Variants in GPC5 observed in about 807,000 individuals in gnomAD.
The protein encoded by GPC5 is glypican 5.
GPC5 carries 47 observed loss-of-function variants against 53.9 expected under a neutral mutation model. That is an observed-to-expected ratio of 0.87 (90% CI 0.69 to 1.11). The LOEUF (loss-of-function observed/expected upper bound fraction) is 1.11. Ranked by LOEUF, GPC5 falls within the 50% of genes most tolerant of loss-of-function variation. The probability of loss-of-function intolerance (pLI) is 0.00; values close to 1 mark genes in which losing one functional copy is unlikely to be tolerated. For synonymous variants in GPC5, 286 were observed against 263.3 expected (o/e 1.09, Z -0.84); for missense variants, 748 against 713.1 (o/e 1.05, Z -0.56).
chr13:92,278,538 A>G (rs1461917115), intron 7 of GPC5, among the ~76,000 whole-genome samples: 2 of 152,050 alleles, frequency 1.3e-5, no homozygotes, highest in Admixed American at 1.3e-4. Flanking sequence ...TGTACCTTTT[A>G]TGATTATTTT....
intron 6 of GPC5, among the ~76,000 whole-genome samples, chr13:91,944,986 C>G (rs80186210): frequency 6.6e-6 from 1 of 152,112 alleles, no homozygotes; most frequent in Non-Finnish European, 1.5e-5. Flanking sequence ...AAACCCCAAA[C>G]AATAATTTCT....
At chr13:91,730,589 A>G (rs1239426980) in intron 4 of GPC5, among the ~76,000 whole-genome samples, 1 of 152,182 alleles carries the variant, frequency 6.6e-6, no homozygotes, top group Non-Finnish European at 1.5e-5. Flanking sequence ...CAACTAACCA[A>G]ATAACCAGCT....
intron 7 of GPC5, among the ~76,000 whole-genome samples, chr13:92,301,525 C>T (rs547327304): frequency 1.8e-4 from 27 of 152,188 alleles, no homozygotes; most frequent in Non-Finnish European, 3.5e-4. Flanking sequence ...TTAACCTGTC[C>T]GTGATTCCAT....
chr13:92,848,298 T>G (rs2138841244), intron 7 of GPC5, among the ~76,000 whole-genome samples: 1 of 152,320 alleles, frequency 6.6e-6, no homozygotes, highest in East Asian at 1.9e-4. Context: ...AGTAAGAATT[T>G]TCTATGGTTT....
At chr13:91,642,713 C>CT (rs71113755) in intron 2 of GPC5, among the ~76,000 whole-genome samples, 97,098 of 143,268 alleles carry the variant, frequency 0.68, 32,785 homozygotes, top group East Asian at 0.8. Flanking sequence ...TAAGGAAGAG[C>CT]TTTTTTTTTT....
At chr13:91,896,847 A>G (rs2078838326) in intron 5 of GPC5, among the ~76,000 whole-genome samples, 2 of 152,226 alleles carry the variant, frequency 1.3e-5, no homozygotes, top group South Asian at 2.1e-4. Context: ...GAGTTTGCCA[A>G]GACATAGCTG....
At chr13:92,828,765 G>A (rs554428493) in intron 7 of GPC5, among the ~76,000 whole-genome samples, 46 of 152,196 alleles carry the variant, frequency 3.0e-4, no homozygotes, top group Non-Finnish European at 5.7e-4. Context: ...ATTCAAAGAC[G>A]TCCACTAAAA....
intron 6 of GPC5, among the ~76,000 whole-genome samples, chr13:91,936,064 A>C (rs760528029): frequency 3.9e-5 from 6 of 152,078 alleles, no homozygotes; most frequent in Non-Finnish European, 7.4e-5. Flanking sequence ...GTATATCAAC[A>C]GATTTTAATT....
chr13:92,863,343 T>A (rs1425122037), intron 7 of GPC5, among the ~76,000 whole-genome samples: 1 of 152,176 alleles, frequency 6.6e-6, no homozygotes, highest in African/African-American at 2.4e-5. Context: ...CAGTGCCTAT[T>A]TTATGCGACT....
intron 7 of GPC5, among the ~76,000 whole-genome samples, chr13:92,816,999 A>G (rs1460488045): frequency 1.3e-5 from 2 of 151,834 alleles, no homozygotes; most frequent in African/African-American, 4.9e-5. Flanking sequence ...CGGTCTAGAA[A>G]CCTATAACCA....
At chr13:92,783,791 G>C (rs1418906191) in intron 7 of GPC5, among the ~76,000 whole-genome samples, 2 of 152,092 alleles carry the variant, frequency 1.3e-5, no homozygotes, top group East Asian at 3.9e-4. Flanking sequence ...AGAAAACAAA[G>C]AATGTCAGGC....
intron 7 of GPC5, among the ~76,000 whole-genome samples, chr13:92,751,316 A>AC (rs1889388660): frequency 2.1e-5 from 3 of 145,540 alleles, no homozygotes; most frequent in Non-Finnish European, 3.0e-5. Context: ...AAAAAAAAAA[A>AC]AAAAAAAAAA....
chr13:91,434,143 C>T (rs1274718477), intron 1 of GPC5, among the ~76,000 whole-genome samples: 2 of 152,120 alleles, frequency 1.3e-5, no homozygotes, highest in Non-Finnish European at 2.9e-5. Context: ...TTCTCCCATT[C>T]TGTAGGTTGC....
At position 91,509,433 on chromosome 13, in the gene GPC5, G is replaced by A. The variant is rs187157305; in HGVS notation, c.325+60511G>A. Among the ~76,000 whole-genome samples, 19 of 46,910 alleles carry A rather than the reference G, an allele frequency of 4.1e-4. No individual in the cohort carries two copies. The Admixed American group carries it at 4.2e-3, about 10-fold the overall frequency. 30.8% of individuals were successfully genotyped at this position (46,910 alleles called of 152,430 possible). A position where few individuals can be genotyped will look rare whatever the true frequency, so the allele number is the denominator to read the frequency against. The stretch of plus-strand genomic sequence containing the variant: ...ATATTCATATTTTAAGGATCAAATA[G>A]TGAGATAGTCATATTTGCATAGGCA... On this transcript the variant is annotated intron_variant, in intron 2 of 7. Transcript: ENST00000377067.
intron 2 of GPC5, among the ~76,000 whole-genome samples, chr13:91,520,740 A>G (rs1337521556): frequency 1.3e-5 from 2 of 151,430 alleles, no homozygotes; most frequent in Non-Finnish European, 1.5e-5. Flanking sequence ...GTGTGTATAT[A>G]TATATATATA....
At chr13:91,894,981 T>G (rs2138975392) in intron 5 of GPC5, among the ~76,000 whole-genome samples, 1 of 152,072 alleles carries the variant, frequency 6.6e-6, no homozygotes, top group South Asian at 2.1e-4. Context: ...ATAAAAAGTC[T>G]TTTATCATCC....
chr13:92,201,460 A>C (rs1442175254), intron 7 of GPC5, among the ~76,000 whole-genome samples: 1 of 151,898 alleles, frequency 6.6e-6, no homozygotes, highest in Non-Finnish European at 1.5e-5. Flanking sequence ...ATGGTTCAGC[A>C]TGAAAACAAA....
rs1009974662 is a variant in GPC5 at position 92,175,865 on chromosome 13, T to C, written c.1561+30876T>C. On this transcript the variant is annotated intron_variant, in intron 7 of 7. Coordinates refer to ENST00000377067, the MANE Select transcript of GPC5 (RefSeq NM_004466.6). The stretch of plus-strand genomic sequence containing the variant: ...CTAAATACAAGACCCCGTTACCAAT[T>C]TAATAGTAGTTTTCAAACCTGTCTC... Among the ~76,000 whole-genome samples the C allele has an allele frequency of 2.0e-5, 3 of 152,126 alleles. No individual in the cohort carries two copies. The East Asian group carries it at 5.8e-4, about 29-fold the overall frequency.
At chr13:92,449,278 A>C (rs953457017) in intron 7 of GPC5, among the ~76,000 whole-genome samples, 1 of 152,152 alleles carries the variant, frequency 6.6e-6, no homozygotes, top group African/African-American at 2.4e-5. Flanking sequence ...CAGTGGACTG[A>C]GGGAAAGGGC....
Sources: gnomAD v4.1 joint callset for allele counts (sites outside exome capture counted in the v4.1 genomes callset) on GRCh38, gnomAD v4.1.1 for gene constraint, MANE v1.5 for transcripts, NCBI Gene and HGNC (gene_info 2026-07-23, HGNC 2026-07-21) for gene names.